The following SHISA6 variants were observed in gnomAD, a reference collection of about 807,000 sequenced individuals.
The protein encoded by SHISA6 is shisa family member 6.
A neutral mutation model predicts 47.9 loss-of-function variants in SHISA6; 22 were observed. That is an observed-to-expected ratio of 0.46 (90% CI 0.33 to 0.66). The LOEUF (loss-of-function observed/expected upper bound fraction) is 0.66. Among genes scored for constraint, SHISA6 ranks in the 30% least tolerant of loss-of-function variants. SHISA6 has a pLI of 0.02. For missense variants in SHISA6, 680 were observed against 764.6 expected (o/e 0.89, Z 1.30); for synonymous variants, 388 against 337.8 (o/e 1.15, Z -1.63).
chr17:11,303,606 C>T (rs1298337652), intron 2 of SHISA6, among the ~76,000 whole-genome samples: 1 of 152,048 alleles, frequency 6.6e-6, no homozygotes, highest in Non-Finnish European at 1.5e-5. Context: ...AGGAGAGCCA[C>T]ACAGAAAAAG....
At chr17:11,343,302 G>T (rs1420555012) in intron 2 of SHISA6, among the ~76,000 whole-genome samples, 2 of 152,164 alleles carry the variant, frequency 1.3e-5, no homozygotes, top group Non-Finnish European at 2.9e-5. Context: ...GATGTCATCG[G>T]TTTAATTCCA....
chr17:11,247,801 G>A (rs1280880350), intron 1 of SHISA6, among the ~76,000 whole-genome samples: 3 of 144,868 alleles, frequency 2.1e-5, no homozygotes, highest in African/African-American at 7.8e-5. Context: ...TTGAGATGGA[G>A]TCTTGCTTGG....
intron 3 of SHISA6, among the ~76,000 whole-genome samples, chr17:11,432,274 A>G (rs2943038): frequency 0.048 from 7,255 of 152,198 alleles, 213 homozygotes; most frequent in East Asian, 0.15. Flanking sequence ...TTCTCTTGCA[A>G]CTCTCAGTAG....
At chr17:11,263,103 CT>C (rs1908296839) in intron 1 of SHISA6, among the ~76,000 whole-genome samples, 1 of 152,180 alleles carries the variant, frequency 6.6e-6, no homozygotes, top group African/African-American at 2.4e-5. Context: ...TTTGAAAGGG[CT>C]CAGAGTTTAC....
chr17:11,286,225 C>T (rs770328417), intron 2 of SHISA6, among the ~76,000 whole-genome samples: 1 of 152,130 alleles, frequency 6.6e-6, no homozygotes, highest in Non-Finnish European at 1.5e-5. Flanking sequence ...CAGACCAGAC[C>T]ATATGAGGGA....
chr17:11,310,876 A>G (rs1910306007), intron 2 of SHISA6, among the ~76,000 whole-genome samples: 1 of 152,060 alleles, frequency 6.6e-6, no homozygotes, highest in African/African-American at 2.4e-5. Flanking sequence ...TGGGGGGCCT[A>G]GGTGGGCGCA....
At chr17:11,467,315 A>G (rs1915832331) in intron 3 of SHISA6, among the ~76,000 whole-genome samples, 1 of 152,162 alleles carries the variant, frequency 6.6e-6, no homozygotes, top group Non-Finnish European at 1.5e-5. Flanking sequence ...TGTTTAATTC[A>G]AAGATAAACC....
intron 3 of SHISA6, among the ~76,000 whole-genome samples, chr17:11,488,212 T>C (rs139418727): frequency 6.6e-6 from 1 of 152,214 alleles, no homozygotes; most frequent in East Asian, 1.9e-4. Context: ...GAATTGGCCC[T>C]GAGAAATCTC....
chr17:11,335,336 A>G (rs1342727036), intron 2 of SHISA6, among the ~76,000 whole-genome samples: 4 of 152,178 alleles, frequency 2.6e-5, no homozygotes, highest in African/African-American at 9.7e-5. Flanking sequence ...TGGGTGAATG[A>G]GCAGAGGAGC....
At chr17:11,264,042 A>C (rs1478101406) in intron 2 of SHISA6, among the ~76,000 whole-genome samples, 2 of 152,204 alleles carry the variant, frequency 1.3e-5, no homozygotes, top group African/African-American at 4.8e-5. Flanking sequence ...ATAAAATAAC[A>C]ATATGCCTTT....
chr17:11,485,729 GA>G (rs1464582506), intron 3 of SHISA6, among the ~76,000 whole-genome samples: 2 of 150,884 alleles, frequency 1.3e-5, no homozygotes, highest in African/African-American at 4.9e-5. Context: ...AAAAGGGGGA[GA>G]AAAATGGAGA....
chr17:11,480,104 T>C (rs1020927013), intron 3 of SHISA6, among the ~76,000 whole-genome samples: 1 of 152,176 alleles, frequency 6.6e-6, no homozygotes, highest in African/African-American at 2.4e-5. Context: ...ACCTTAGGTA[T>C]TTCACTTCAC....
intron 3 of SHISA6, among the ~76,000 whole-genome samples, chr17:11,493,250 CAG>C (rs576118915): frequency 6.5e-4 from 98 of 151,918 alleles, no homozygotes; most frequent in South Asian, 1.9e-3. Flanking sequence ...CTGTTTGAGA[CAG>C]AGTCTCGCTC....
At position 11,549,052 on chromosome 17, in the gene SHISA6, T is replaced by C. The variant is rs747657147; in HGVS notation, c.896-2844T>C. Among the ~76,000 whole-genome samples, 13 of 152,348 alleles carry C rather than the reference T, an allele frequency of 8.5e-5. No individual in the cohort carries two copies. The South Asian group carries it at 1.2e-3, about 15-fold the overall frequency. On this transcript the variant is annotated intron_variant, in intron 3 of 5. Transcript: ENST00000441885. ...TGCCACAGCCAATTGTCTCACACAA[T>C]TGTCATTCTGCATACATGTAAAGAT...
At chr17:11,351,229 A>G (rs1044469953) in intron 2 of SHISA6, among the ~76,000 whole-genome samples, 4 of 152,158 alleles carry the variant, frequency 2.6e-5, no homozygotes, top group Non-Finnish European at 4.4e-5. Context: ...TCATAGGTGC[A>G]GCAAACCATC....
chr17:11,493,579 G>A (rs1339887333), intron 3 of SHISA6, among the ~76,000 whole-genome samples: 3 of 151,786 alleles, frequency 2.0e-5, no homozygotes, highest in Middle Eastern at 3.4e-3. Flanking sequence ...ACGCGTGCGC[G>A]CGCACACACA....
intron 2 of SHISA6, among the ~76,000 whole-genome samples, chr17:11,345,278 A>G (rs1911663544): frequency 6.6e-6 from 1 of 151,504 alleles, no homozygotes; most frequent in Admixed American, 6.6e-5. Context: ...TCTCCTCAAC[A>G]TAACAATTTC....
chr17:11,340,104 A>G (rs371140377), intron 2 of SHISA6, among the ~76,000 whole-genome samples: 12 of 152,304 alleles, frequency 7.9e-5, no homozygotes, highest in African/African-American at 9.6e-5. Flanking sequence ...TCAAAAGTTG[A>G]GAGCACATGA....
chr17:11,501,237 G>A (rs1032650859), intron 3 of SHISA6, among the ~76,000 whole-genome samples: 20 of 151,566 alleles, frequency 1.3e-4, no homozygotes, highest in South Asian at 6.3e-4. Flanking sequence ...CTCAGCCTCC[G>A]GAGTAGCTGG....
Sources: gnomAD v4.1 joint callset for allele counts (sites outside exome capture counted in the v4.1 genomes callset) on GRCh38, gnomAD v4.1.1 for gene constraint, MANE v1.5 for transcripts, NCBI Gene and HGNC (gene_info 2026-07-23, HGNC 2026-07-21) for gene names.